TEX11: variants seen among roughly 807,000 people sequenced by gnomAD.
TEX11 encodes the protein testis expressed 11.
In TEX11, 7 loss-of-function variants were observed where a neutral mutation model predicts 84.4. The ratio of observed to expected loss-of-function variants is 0.08; its 90% CI spans 0.05 to 0.16. TEX11 has a LOEUF of 0.16. Among genes scored for constraint, TEX11 ranks in the 10% least tolerant of loss-of-function variants. The pLI, the probability that TEX11 is intolerant of heterozygous loss-of-function variation, is 1.00. For synonymous variants in TEX11, 264 were observed against 222.8 expected (o/e 1.18, Z -1.64); for missense variants, 551 against 660.5 (o/e 0.83, Z 1.82).
intron 17 of TEX11, among the ~76,000 whole-genome samples, chrX:70,648,835 A>G (rs949293126): frequency 1.0e-4 from 11 of 109,843 alleles, no homozygotes; most frequent in African/African-American, 3.6e-4. Context: ...TAAGCCTCAC[A>G]TGCATTAGCT....
At chrX:70,526,580 AAAAG>A (rs1255066969), downstream of TEX11, among the ~76,000 whole-genome samples, 18 of 110,739 alleles carry the variant, frequency 1.6e-4, no homozygotes, top group Admixed American at 1.1e-3. Flanking sequence ...AAAAAAAAAA[AAAAG>A]AAAGAAAAGA....
At chrX:70,693,102 A>G (rs1462064024) in intron 13 of TEX11, among the ~76,000 whole-genome samples, 3 of 111,156 alleles carry the variant, frequency 2.7e-5, no homozygotes, top group Non-Finnish European at 5.7e-5. Context: ...TTAGCTGGGC[A>G]TGGTGGTGCA....
At chrX:70,635,742 T>C (rs1198790095) in intron 17 of TEX11, among the ~76,000 whole-genome samples, 2 of 109,535 alleles carry the variant, frequency 1.8e-5, no homozygotes, top group East Asian at 5.9e-4. Context: ...CTTGTAGATA[T>C]AGGATCCAGG....
intron 25 of TEX11, among the ~76,000 whole-genome samples, chrX:70,577,951 C>A (rs959802698): frequency 2.7e-5 from 3 of 111,202 alleles, no homozygotes; most frequent in African/African-American, 9.8e-5. Context: ...TGGTCTCGAA[C>A]TCCTGACCTC....
At chrX:70,602,776 A>T (rs1296411700) in intron 24 of TEX11, among the ~76,000 whole-genome samples, 3 of 94,676 alleles carry the variant, frequency 3.2e-5, no homozygotes, top group East Asian at 3.4e-4. Context: ...CTGTTTGCAG[A>T]TGACATGATT....
chrX:70,679,742 GC>G (rs1272135953), intron 14 of TEX11, among the ~76,000 whole-genome samples: 1 of 107,282 alleles, frequency 9.3e-6, no homozygotes, highest in Non-Finnish European at 2.0e-5. Context: ...GGGGGGGTCA[GC>G]CCCCCGCCCG....
At position 70,569,422 on chromosome X, in the gene TEX11, C is replaced by T. The variant is rs929242472; in HGVS notation, c.2141-14622G>A. On this transcript the variant is annotated intron_variant, in intron 25 of 29. Transcript: ENST00000374333. The stretch of plus-strand genomic sequence containing the variant: ...CTCTCACCTCGTCAAAGTCCTTCTC[C>T]GTCCAGCTTTGTTCCGTTGCTGGTA... Among the ~76,000 whole-genome samples, 8 of 112,314 alleles carry T rather than the reference C, an allele frequency of 7.1e-5. No homozygotes were observed. In the South Asian group the frequency reaches 1.5e-3, roughly 21 times the overall value.
Position 70,873,307 on chromosome X carries a change from T to C in TEX11, c.160A>G (p.Ile54Val), listed in dbSNP as rs756069493. 3.4e-6 allele frequency: 4 copies of C among 1,170,483 alleles called. No homozygotes were observed. In the Admixed American group the frequency reaches 8.7e-5, roughly 26 times the overall value. ...ESMAEITDIQIEEMAVNLWNW... is the reference protein window; with the variant it reads ...ESMAEITDIQVEEMAVNLWNW... Reference sequence around the variant, plus strand: ...CATAGGTTTACTGCCATTTCTTCAATCTGGTCAAAGAGAAACATTTCCTTA... The same window carrying C: ...CATAGGTTTACTGCCATTTCTTCAACCTGGTCAAAGAGAAACATTTCCTTA... Residue 54 changes from isoleucine to valine, a missense_variant and splice_region_variant, in exon 4 of 30, where the codon ATT becomes GTT. Physicochemically the swap from Ile to Val is conservative, Grantham distance 29. Transcript: ENST00000374333.
chrX:70,877,881 C>T (rs750659664), intron 3 of TEX11, among the ~76,000 whole-genome samples: 175 of 111,199 alleles, frequency 1.6e-3, no homozygotes, highest in African/African-American at 5.4e-3. Flanking sequence ...TCCCAAAATT[C>T]GTAAGAATTT....
At chrX:70,584,637 A>T (rs73540780) in intron 25 of TEX11, among the ~76,000 whole-genome samples, 9,289 of 111,639 alleles carry the variant, frequency 0.083, 850 homozygotes, top group African/African-American at 0.27. Flanking sequence ...GATATCAATT[A>T]AAAAAACCCC....
chrX:70,780,494 A>C (rs2091031568), intron 9 of TEX11, among the ~76,000 whole-genome samples: 1 of 112,067 alleles, frequency 8.9e-6, no homozygotes, highest in African/African-American at 3.2e-5. Context: ...GAACCAAAGC[A>C]GGGTGGAGCG....
chrX:70,725,841 C>T (rs1196493703), intron 11 of TEX11, among the ~76,000 whole-genome samples: 1 of 111,854 alleles, frequency 8.9e-6, no homozygotes, highest in Non-Finnish European at 1.9e-5. Flanking sequence ...GTTCCACTTT[C>T]GCCTGACAGG....
At chrX:70,811,824 C>A (rs909126805) in intron 8 of TEX11, among the ~76,000 whole-genome samples, 2 of 111,682 alleles carry the variant, frequency 1.8e-5, no homozygotes, top group Non-Finnish European at 3.8e-5. Flanking sequence ...TAAATGTCTT[C>A]TTTTGAGAAG....
intron 25 of TEX11, among the ~76,000 whole-genome samples, chrX:70,590,948 C>T (rs980585338): frequency 1.8e-5 from 2 of 110,600 alleles, no homozygotes; most frequent in Admixed American, 9.6e-5. Flanking sequence ...GGGCTTTCTC[C>T]GTGTTGGTCA....
chrX:70,547,355 CT>C (rs1374675675), intron 28 of TEX11, among the ~76,000 whole-genome samples: 1 of 110,891 alleles, frequency 9.0e-6, no homozygotes, highest in Non-Finnish European at 1.9e-5. Flanking sequence ...ATCATCCTCT[CT>C]GCAGGAACAC....
intron 13 of TEX11, among the ~76,000 whole-genome samples, chrX:70,696,392 T>G: frequency 8.9e-6 from 1 of 111,750 alleles, no homozygotes. Flanking sequence ...CACTGCCTCC[T>G]ACCCCATCAT....
chrX:70,698,748 G>C (rs2090302351), intron 13 of TEX11, among the ~76,000 whole-genome samples: 1 of 111,036 alleles, frequency 9.0e-6, no homozygotes. Context: ...TGAGCATAAG[G>C]GACAGGAAGA....
chrX:70,798,410 C>T (rs2147801284), intron 9 of TEX11, among the ~76,000 whole-genome samples: 1 of 111,834 alleles, frequency 8.9e-6, no homozygotes, highest in Non-Finnish European at 1.9e-5. Context: ...AATGTCCATA[C>T]TACCTAAAGC....
intron 9 of TEX11, among the ~76,000 whole-genome samples, chrX:70,782,656 A>AAAAAAAAAAAAAAAAAAAAAAAAAAAG (rs2091048278): frequency 9.7e-6 from 1 of 103,072 alleles, no homozygotes; most frequent in Non-Finnish European, 2.0e-5. Context: ...AAAAAAAAAA[A>AAAAAAAAAAAAAAAAAAAAAAAAAAAG]AAAAAAAAAA....
Sources: gnomAD v4.1 joint callset for allele counts (sites outside exome capture counted in the v4.1 genomes callset) on GRCh38, gnomAD v4.1.1 for gene constraint, MANE v1.5 for transcripts, NCBI Gene and HGNC (gene_info 2026-07-23, HGNC 2026-07-21) for gene names.